Variants in BCOR observed in about 807,000 individuals in gnomAD.
BCOR encodes the protein BCL-6 corepressor.
Under a neutral mutation model 86.7 loss-of-function variants are expected in BCOR, and 10 were observed. The observed-to-expected ratio is 0.12, with a 90% CI of 0.07 to 0.20. The LOEUF is 0.20. Ranked by LOEUF, BCOR falls within the 10% of genes least tolerant of loss-of-function variation. BCOR has a pLI of 1.00. For missense variants in BCOR, 1,259 were observed against 1,452.1 expected, an observed-to-expected ratio of 0.87 and a Z score of 2.16; for synonymous variants, 611 against 609.0, an observed-to-expected ratio of 1.00 and a Z score of -0.05.
At position 40,073,267 on chromosome X, in the gene BCOR, A is replaced by C. The variant is rs759232582; in HGVS notation, c.2079T>G (p.Pro693=). 8.3e-7 allele frequency: 1 copy of C among 1,211,699 alleles called. No individual in the cohort carries two copies. ...GCCCAGGCTTTGGGGCAAGGTGCCC[A>C]GGAAACAGACTGCCATTGGGTAACA... ...PVLLPNGSLF[P]GHLAPKPGLP... The change falls in exon 4 of 15, where the codon CCT becomes CCG. Residue 693 remains proline, a synonymous_variant. Coordinates refer to ENST00000378444, the MANE Select transcript of BCOR (RefSeq NM_001123385.2).
chrX:40,055,053 T>C (rs1400108741), intron 12 of BCOR, among the ~76,000 whole-genome samples: 2 of 112,338 alleles, frequency 1.8e-5, no homozygotes, highest in African/African-American at 6.5e-5. Flanking sequence ...CCTGTCCAAA[T>C]AATTTCATGT....
At chrX:40,061,891 G>A (rs770410376) in intron 10 of BCOR, among the ~76,000 whole-genome samples, 2 of 111,519 alleles carry the variant, frequency 1.8e-5, no homozygotes, top group East Asian at 2.8e-4. Flanking sequence ...GGAGGATGCC[G>A]TAGCAGCCTA....
chrX:40,159,571 C>G lies in BCOR; in HGVS notation c.-41+17436G>C, dbSNP rs189747836. ...TTCACCGTGTTAGCCAGGATGGTCT[C>G]GATCTCCTGACCTCGTGATCCACCC... On this transcript the variant is annotated intron_variant, in intron 1 of 14. Coordinates refer to the BCOR transcript ENST00000342274. Among the ~76,000 whole-genome samples the G allele has an allele frequency of 4.6e-3, 512 of 110,605 alleles. 1 individual carries two copies. Among genetic ancestry groups the G allele is most frequent in the African/African-American group, 0.016 (484 of 30,341 alleles).
chrX:40,153,951 C>T (rs1342372426), intron 1 of BCOR, among the ~76,000 whole-genome samples: 1 of 109,966 alleles, frequency 9.1e-6, no homozygotes, highest in African/African-American at 3.3e-5. Context: ...GGGGCGGGGA[C>T]GCAGCCCCGG....
At chrX:40,103,621 G>A (rs1255674929) in intron 1 of BCOR, among the ~76,000 whole-genome samples, 3 of 109,237 alleles carry the variant, frequency 2.7e-5, no homozygotes, top group African/African-American at 1.1e-4. Context: ...TACCAGAAAG[G>A]CCTGGGGGAA....
chrX:40,073,035 T>A lies in BCOR; in HGVS notation c.2311A>T (p.Ser771Cys), dbSNP rs755710383. Residue 771 changes from serine to cysteine, a missense_variant, in exon 4 of 15, where the codon AGC becomes TGC. Physicochemically the swap from Ser to Cys is moderately radical, Grantham distance 112. This residue lies in a region of BCOR where 534 missense variants were observed against 594.8 expected (regional missense o/e 0.90). Coordinates refer to ENST00000378444, the MANE Select transcript of BCOR (RefSeq NM_001123385.2). ...ACATCTGGATGTAACTTGGTGCTGC[T>A]AGTTTCCAAAATCTCGGAAAACCGA... is the stretch of plus-strand genomic sequence containing the variant. ...RNRFSEILET[S>C]STKLHPDVPT... 1 of 1,212,314 alleles carries A rather than the reference T, an allele frequency of 8.2e-7. No homozygotes were observed. Among genetic ancestry groups the A allele is most frequent in the Non-Finnish European group, 1.1e-6 (1 of 895,605 alleles).
intron 1 of BCOR, among the ~76,000 whole-genome samples, chrX:40,123,087 C>G (rs749279848): frequency 8.9e-6 from 1 of 111,809 alleles, no homozygotes; most frequent in Admixed American, 9.5e-5. Context: ...GAGATGTCCA[C>G]TGTGGGTCAA....
At chrX:40,124,538 C>A (rs1937520524) in intron 1 of BCOR, among the ~76,000 whole-genome samples, 1 of 111,357 alleles carries the variant, frequency 9.0e-6, no homozygotes, top group Non-Finnish European at 1.9e-5. Context: ...GCTGGGATTA[C>A]ACACGTGAGC....
intron 1 of BCOR, among the ~76,000 whole-genome samples, chrX:40,107,979 C>A (rs1319503852): frequency 8.8e-6 from 1 of 113,388 alleles, no homozygotes; most frequent in Non-Finnish European, 1.9e-5. Flanking sequence ...GTGTTGCCTT[C>A]TACAAGAAAG....
chrX:40,106,164 C>T (rs1052905411), intron 1 of BCOR, among the ~76,000 whole-genome samples: 1 of 112,094 alleles, frequency 8.9e-6, no homozygotes, highest in Non-Finnish European at 1.9e-5. Context: ...CGGAGCTGAC[C>T]TGCAAGGCTT....
At chrX:40,063,110 G>GGGGGGGGGGA in intron 8 of BCOR, 39 bp from the exon 9 acceptor site, 3 of 644,537 alleles carry the variant, frequency 4.7e-6, no homozygotes, top group Admixed American at 3.2e-5. Flanking sequence ...GGGCGGATGG[G>GGGGGGGGGGA]AGACGGGAGA....
chrX:40,170,661 A>G (rs1938601942), intron 1 of BCOR, among the ~76,000 whole-genome samples: 1 of 111,743 alleles, frequency 8.9e-6, no homozygotes, highest in Non-Finnish European at 1.9e-5. Flanking sequence ...TTAAAATGTG[A>G]TTTGACCCAA....
At chrX:40,164,802 C>T (rs939008229) in intron 1 of BCOR, among the ~76,000 whole-genome samples, 1 of 112,410 alleles carries the variant, frequency 8.9e-6, no homozygotes. Flanking sequence ...TTCCCAATTC[C>T]CCTACAAATC....
In BCOR at chrX:40,139,674, C is replaced by T. The variant is rs1201293515; in HGVS notation, c.-41+37333G>A. On this transcript the variant is annotated intron_variant, in intron 1 of 14. Coordinates refer to the BCOR transcript ENST00000342274. ...AAAATACAAAAAATTAGCCCAGCGT[C>T]GTGGCACACGCCTGTAATCCCAGCT... 3.0e-5 allele frequency among the ~76,000 whole-genome samples: 3 copies of T among 99,904 alleles called. No individual in the cohort carries two copies. In the Admixed American group the frequency reaches 3.5e-4, roughly 12 times the overall value. The allele number at this position is 99,904 out of a possible 115,157, so 86.8% of individuals were successfully genotyped here. A position where few individuals can be genotyped will look rare whatever the true frequency, so the allele number is the denominator to read the frequency against.
At chrX:40,132,496 C>T (rs1937613111) in intron 1 of BCOR, among the ~76,000 whole-genome samples, 2 of 111,274 alleles carry the variant, frequency 1.8e-5, no homozygotes, top group South Asian at 7.5e-4. Flanking sequence ...CCAGGCTGGT[C>T]TCCAACTCCT....
chrX:40,140,375 A>C (rs1414227813), intron 1 of BCOR, among the ~76,000 whole-genome samples: 1 of 110,189 alleles, frequency 9.1e-6, no homozygotes, highest in South Asian at 3.8e-4. Context: ...GAGGCAGGAG[A>C]AGCACTTGAG....
intron 1 of BCOR, among the ~76,000 whole-genome samples, chrX:40,154,864 T>C (rs1938252273): frequency 8.9e-6 from 1 of 112,550 alleles, no homozygotes; most frequent in Non-Finnish European, 1.9e-5. Flanking sequence ...CTGTTATTCC[T>C]CTTTTGCAGA....
At chrX:40,094,452 G>A (rs1193269803) in intron 1 of BCOR, among the ~76,000 whole-genome samples, 1 of 113,029 alleles carries the variant, frequency 8.8e-6, no homozygotes, top group Non-Finnish European at 1.9e-5. Flanking sequence ...CGCTCCGAGC[G>A]CACCACGGGT....
At chrX:40,099,475 G>A (rs1230852528), upstream of BCOR, among the ~76,000 whole-genome samples, 1 of 112,122 alleles carries the variant, frequency 8.9e-6, no homozygotes, top group African/African-American at 3.2e-5. Flanking sequence ...TTCTGCCTAA[G>A]GACAAGATGG....
Sources: allele counts gnomAD v4.1 joint callset (sites outside exome capture counted in the v4.1 genomes callset), GRCh38; gene constraint gnomAD v4.1.1; regional missense constraint gnomAD v4.1.1; transcripts MANE v1.5; gene names NCBI Gene and HGNC (gene_info 2026-07-23, HGNC 2026-07-21).